ABLIM3: variants seen among roughly 807,000 people sequenced by gnomAD.
ABLIM3 encodes actin binding LIM protein family member 3.
A neutral mutation model predicts 109.5 loss-of-function variants in ABLIM3; 61 were observed. The ratio of observed to expected loss-of-function variants is 0.56; its 90% CI spans 0.45 to 0.69. ABLIM3 has a LOEUF of 0.69. ABLIM3 is among the 30% of genes least tolerant of loss of function. The pLI is 0.00. For synonymous variants in ABLIM3, 300 were observed against 324.8 expected, an observed-to-expected ratio of 0.92 and a Z score of 0.82; for missense variants, 796 against 889.5, an observed-to-expected ratio of 0.89 and a Z score of 1.34.
intron 3 of ABLIM3, among the ~76,000 whole-genome samples, chr5:149,190,624 G>A (rs1421265293): frequency 6.6e-6 from 1 of 152,188 alleles, no homozygotes; most frequent in Non-Finnish European, 1.5e-5. Flanking sequence ...AGGTTGCAGT[G>A]AGTTGTTATC....
At chr5:149,219,456 T>C (rs1218578971) in intron 8 of ABLIM3, 1 of 152,230 alleles carries the variant, frequency 6.6e-6, no homozygotes, top group Non-Finnish European at 1.5e-5. Context: ...CCAGAGTCAC[T>C]CTAAACTGTA....
At chr5:149,167,417 T>G (rs1754929470) in intron 2 of ABLIM3, among the ~76,000 whole-genome samples, 1 of 152,036 alleles carries the variant, frequency 6.6e-6, no homozygotes, top group African/African-American at 2.4e-5. Context: ...AACTTAAGAG[T>G]ACAGAGGAGT....
Position 149,259,672 on chromosome 5 carries a change from G to A in ABLIM3, c.*1268G>A. ...CTCGCCTCCCTGAACAGGGGAGAAAGCTTAACCTCTCTTCTCCTCTCCAAA... is the reference window on the plus strand; with the variant it reads ...CTCGCCTCCCTGAACAGGGGAGAAAACTTAACCTCTCTTCTCCTCTCCAAA... On this transcript the variant is annotated 3_prime_UTR_variant, in exon 24 of 24. Transcript: ENST00000309868. 7.4e-7 allele frequency: 1 copy of A among 1,342,636 alleles called. No individual in the cohort carries two copies. The highest frequency in any genetic ancestry group is 1.0e-6 in the Non-Finnish European group (1 of 971,042). 83.2% of individuals were successfully genotyped at this position (1,342,636 alleles called of 1,614,324 possible).
chr5:149,221,874 T>C (rs1312461969), intron 8 of ABLIM3, among the ~76,000 whole-genome samples: 1 of 152,146 alleles, frequency 6.6e-6, no homozygotes, highest in Non-Finnish European at 1.5e-5. Flanking sequence ...GAAAATAGAC[T>C]CTTCTTCTAC....
chr5:149,180,597 C>T (rs1434990843), intron 2 of ABLIM3, among the ~76,000 whole-genome samples: 1 of 151,560 alleles, frequency 6.6e-6, no homozygotes, highest in East Asian at 2.0e-4. Context: ...TCACAGCTTA[C>T]ATCAGCAATC....
chr5:149,217,815 A>G (rs2963496), intron 8 of ABLIM3: 72,656 of 152,162 alleles, frequency 0.48, 17,703 homozygotes, highest in East Asian at 0.59. Context: ...CACCTAAGCT[A>G]CCAAAGCTAA....
intron 8 of ABLIM3, among the ~76,000 whole-genome samples, chr5:149,223,712 C>A (rs960563434): frequency 6.6e-6 from 1 of 152,248 alleles, no homozygotes; most frequent in East Asian, 1.9e-4. Flanking sequence ...CAGCATGTCC[C>A]GCTAAGCTCA....
In ABLIM3 at chr5:149,208,445, T is replaced by A. The variant is rs183168532; in HGVS notation, c.575+1311T>A. Among the ~76,000 whole-genome samples, 307 of 151,558 alleles carry A rather than the reference T, an allele frequency of 2.0e-3. 1 individual carries two copies. The highest frequency in any genetic ancestry group is 7.2e-3 in the African/African-American group (295 of 41,218). ...CTCTCTCTGTCTCTCTCTGTCTCTGTCCCTGTCTTTCTCTGCTGTCTTCAT... is the reference window on the plus strand; with the variant it reads ...CTCTCTCTGTCTCTCTCTGTCTCTGACCCTGTCTTTCTCTGCTGTCTTCAT... On this transcript the variant is annotated intron_variant, in intron 6 of 23. Coordinates refer to ENST00000309868, the MANE Select transcript of ABLIM3 (RefSeq NM_014945.5).
At chr5:149,253,017 A>T (rs1055965805) in intron 23 of ABLIM3, among the ~76,000 whole-genome samples, 180 bp downstream of exon 23, 2 of 151,982 alleles carry the variant, frequency 1.3e-5, no homozygotes, top group African/African-American at 4.8e-5. Context: ...TATTCCCCAA[A>T]ACTGTCCCAT....
chr5:149,186,015 AT>A (rs1437270200), intron 3 of ABLIM3, among the ~76,000 whole-genome samples: 1 of 152,238 alleles, frequency 6.6e-6, no homozygotes, highest in African/African-American at 2.4e-5. Context: ...AGACCTATGT[AT>A]AAAGCTGTTT....
intron 18 of ABLIM3, among the ~76,000 whole-genome samples, chr5:149,248,859 GACACACACACACACACACACAC>G (rs55707887): frequency 4.1e-5 from 6 of 144,612 alleles, no homozygotes; most frequent in Admixed American, 6.9e-5. Context: ...CCTATTCCTG[GACACACACACACACACACACAC>G]ACACACACAC....
chr5:149,250,855 G>C (rs1043013976), intron 20 of ABLIM3, among the ~76,000 whole-genome samples: 1 of 152,172 alleles, frequency 6.6e-6, no homozygotes, highest in Non-Finnish European at 1.5e-5. Flanking sequence ...GAGAAGTGAG[G>C]TGACTTACCC....
chr5:149,198,428 G>C lies in ABLIM3; in HGVS notation c.335+26G>C. The C allele has an allele frequency of 6.3e-7, 1 of 1,582,760 alleles. No individual in the cohort carries two copies. Among genetic ancestry groups the C allele is most frequent in the South Asian group, 1.2e-5 (1 of 84,650 alleles). On this transcript the variant is annotated intron_variant, in intron 4 of 23. Coordinates refer to ENST00000309868, the MANE Select transcript of ABLIM3 (RefSeq NM_014945.5). The surrounding 1 kb of genome is among the most constrained non-coding windows in gnomAD (Gnocchi z 4.2). ...GTGAGTGGGCGACCAGCAGGGCCTG[G>C]GACCCTCTGCATAAGCCCCCGGGGC...
At chr5:149,205,816 G>T (rs938502474) in intron 5 of ABLIM3, among the ~76,000 whole-genome samples, 13 of 152,326 alleles carry the variant, frequency 8.5e-5, no homozygotes, top group African/African-American at 3.1e-4. Flanking sequence ...GCGGAGTACT[G>T]TGGGAACTGA....
chr5:149,192,085 G>T (rs985661613), intron 3 of ABLIM3, among the ~76,000 whole-genome samples: 1 of 152,114 alleles, frequency 6.6e-6, no homozygotes, highest in Non-Finnish European at 1.5e-5. Flanking sequence ...ATAGTAAAAT[G>T]CTGAAGGCAT....
intron 2 of ABLIM3, among the ~76,000 whole-genome samples, chr5:149,168,581 C>A (rs539778895): frequency 6.6e-6 from 1 of 152,308 alleles, no homozygotes; most frequent in East Asian, 1.9e-4. Context: ...GGAACAACAA[C>A]TTTAGAAAAG....
At chr5:149,181,373 A>G (rs1159502489) in intron 2 of ABLIM3, among the ~76,000 whole-genome samples, 1 of 152,182 alleles carries the variant, frequency 6.6e-6, no homozygotes, top group East Asian at 1.9e-4. Flanking sequence ...TGGAGCACTT[A>G]ACGCAGTTTT....
intron 8 of ABLIM3, chr5:149,217,505 C>T: frequency 5.8e-6 from 1 of 171,876 alleles, no homozygotes; most frequent in Non-Finnish European, 1.3e-5. Flanking sequence ...ACTCTCAGAA[C>T]ACACAGAGGA....
At chr5:149,200,171 T>A (rs1380452426) in intron 4 of ABLIM3, 145 bp from the exon 5 acceptor site, 2 of 688,842 alleles carry the variant, frequency 2.9e-6, no homozygotes, top group African/African-American at 1.8e-5. Context: ...TTAGTTGGCC[T>A]GTCACTGTGA....
Sources: allele counts gnomAD v4.1 joint callset (sites outside exome capture counted in the v4.1 genomes callset), GRCh38; gene constraint gnomAD v4.1.1; non-coding constraint Gnocchi (gnomAD v3.1); transcripts MANE v1.5; gene names NCBI Gene and HGNC (gene_info 2026-07-23, HGNC 2026-07-21).